The following MTMR7 variants were observed in gnomAD, a reference collection of about 807,000 sequenced individuals.
The protein encoded by MTMR7 is myotubularin related protein 7.
A neutral mutation model predicts 81.2 loss-of-function variants in MTMR7; 76 were observed. The ratio of observed to expected loss-of-function variants is 0.94; its 90% CI spans 0.78 to 1.13. The LOEUF is 1.13. Ranked by LOEUF, MTMR7 falls within the 50% of genes most tolerant of loss-of-function variation. The pLI is 0.00. For missense variants in MTMR7, 1,044 were observed against 820.0 expected (o/e 1.27, Z -3.34); for synonymous variants, 372 against 289.8 (o/e 1.28, Z -2.88).
chr8:17,330,340 A>T (rs372931416), intron 7 of MTMR7, among the ~76,000 whole-genome samples: 21 of 152,330 alleles, frequency 1.4e-4, no homozygotes, highest in African/African-American at 5.1e-4. Flanking sequence ...CTTTCCCCAG[A>T]AGCGCAGACA....
intron 7 of MTMR7, 80 bp from the exon 8 acceptor site, chr8:17,313,481 G>T (rs1235381392): frequency 3.4e-6 from 3 of 882,134 alleles, no homozygotes; most frequent in African/African-American, 1.7e-5. Flanking sequence ...TAGGTAGTTT[G>T]TTAATGATTC....
chr8:17,339,841 A>C (rs146467464), intron 6 of MTMR7, among the ~76,000 whole-genome samples: 1 of 152,200 alleles, frequency 6.6e-6, no homozygotes, highest in Non-Finnish European at 1.5e-5. Flanking sequence ...CCTTTTCTAT[A>C]GTGAAAAAAA....
intron 6 of MTMR7, among the ~76,000 whole-genome samples, chr8:17,332,619 C>T (rs1207677185): frequency 6.6e-6 from 1 of 152,214 alleles, no homozygotes; most frequent in Non-Finnish European, 1.5e-5. Context: ...GCCGCTGCTG[C>T]TGCCCAGCAT....
chr8:17,365,560 T>C (rs1012790518), intron 3 of MTMR7, among the ~76,000 whole-genome samples: 2 of 152,182 alleles, frequency 1.3e-5, no homozygotes, highest in African/African-American at 4.8e-5. Flanking sequence ...AAACATCTTT[T>C]GCTGTTAGTG....
chr8:17,307,637 A>G (rs141716760), intron 10 of MTMR7, among the ~76,000 whole-genome samples: 17 of 152,372 alleles, frequency 1.1e-4, no homozygotes, highest in African/African-American at 1.9e-4. Flanking sequence ...GAACCAACCT[A>G]TATGTCCAAC....
chr8:17,405,922 TTA>T (rs972176485), intron 1 of MTMR7, among the ~76,000 whole-genome samples: 1 of 151,874 alleles, frequency 6.6e-6, no homozygotes, highest in Non-Finnish European at 1.5e-5. Flanking sequence ...TTACACTGTT[TTA>T]TATATGTAAA....
chr8:17,325,737 GCA>G (rs1818649164), intron 7 of MTMR7, among the ~76,000 whole-genome samples: 1 of 151,880 alleles, frequency 6.6e-6, no homozygotes, highest in African/African-American at 2.4e-5. Context: ...TGCGCTGATT[GCA>G]CACAGACCCT....
intron 9 of MTMR7, 51 bp downstream of exon 9, chr8:17,311,460 C>T: frequency 6.2e-7 from 1 of 1,611,560 alleles, no homozygotes; most frequent in East Asian, 2.2e-5. Flanking sequence ...AACAGGGGTC[C>T]ATTCCTGGTC....
intron 1 of MTMR7, among the ~76,000 whole-genome samples, chr8:17,408,933 T>A (rs970790687): frequency 6.6e-6 from 1 of 152,210 alleles, no homozygotes; most frequent in African/African-American, 2.4e-5. Flanking sequence ...CTAAAACCAC[T>A]GAATTGTGCA....
intron 3 of MTMR7, among the ~76,000 whole-genome samples, chr8:17,361,831 T>C (rs1279166049): frequency 6.6e-6 from 1 of 152,228 alleles, no homozygotes; most frequent in Non-Finnish European, 1.5e-5. Context: ...AATATCGTAA[T>C]TGTGCTGCTC....
intron 7 of MTMR7, among the ~76,000 whole-genome samples, chr8:17,324,007 T>C (rs972230543): frequency 6.6e-6 from 1 of 152,192 alleles, no homozygotes; most frequent in African/African-American, 2.4e-5. Context: ...TACTATTCTC[T>C]CATTAAATAA....
chr8:17,337,056 G>A (rs1398654401), intron 6 of MTMR7, among the ~76,000 whole-genome samples: 3 of 152,104 alleles, frequency 2.0e-5, no homozygotes, highest in South Asian at 2.1e-4. Context: ...TAACTTGCCA[G>A]GATTCTTAAA....
At chr8:17,404,527 AT>A (rs1444701241) in intron 1 of MTMR7, among the ~76,000 whole-genome samples, 2 of 150,286 alleles carry the variant, frequency 1.3e-5, no homozygotes, top group Non-Finnish European at 3.0e-5. Context: ...GTTACAAACA[AT>A]TGCAAAAAAT....
At chr8:17,404,852 G>A (rs542424275) in intron 1 of MTMR7, among the ~76,000 whole-genome samples, 2 of 152,154 alleles carry the variant, frequency 1.3e-5, no homozygotes, top group South Asian at 4.2e-4. Context: ...TTGAGACGGA[G>A]TCTTGCTCTG....
chr8:17,358,754 C>G (rs1819971811), intron 4 of MTMR7, among the ~76,000 whole-genome samples: 1 of 151,996 alleles, frequency 6.6e-6, no homozygotes, highest in African/African-American at 2.4e-5. Flanking sequence ...ATTTTTAAAA[C>G]AATTAGGCCC....
At position 17,305,781 on chromosome 8, in the gene MTMR7, C is replaced by T. The variant is rs1484097457; in HGVS notation, c.1328G>A (p.Ser443Asn). 1 of 1,612,956 alleles carries T rather than the reference C, an allele frequency of 6.2e-7. No homozygotes were observed. Among genetic ancestry groups the T allele is most frequent in the Admixed American group, 1.7e-5 (1 of 60,010 alleles). Residue 443 changes from serine to asparagine, a missense_variant, in exon 11 of 14, where the codon AGC (serine) becomes AAC (asparagine). Coordinates refer to ENST00000180173, the MANE Select transcript of MTMR7 (RefSeq NM_004686.5). ...SCQFGNFLCNSQKERRELKIQ... is the reference protein window; with the variant it reads ...SCQFGNFLCNNQKERRELKIQ... ...CTTGAGTTCTCGTCTCTCCTTTTGG[C>T]TGTTACATAGGAAGTTTCCAAACTG... is the stretch of plus-strand genomic sequence containing the variant.
intron 7 of MTMR7, among the ~76,000 whole-genome samples, chr8:17,316,125 C>G (rs1432700574): frequency 6.6e-6 from 1 of 152,170 alleles, no homozygotes; most frequent in Non-Finnish European, 1.5e-5. Context: ...TACTTACATA[C>G]TAGCTATGTG....
intron 7 of MTMR7, among the ~76,000 whole-genome samples, chr8:17,313,817 T>G (rs1457992436): frequency 1.3e-5 from 2 of 152,220 alleles, no homozygotes. Flanking sequence ...CTTAGAAGTT[T>G]CTGTCACCCA....
chr8:17,359,813 T>C (rs1820006812), intron 4 of MTMR7, among the ~76,000 whole-genome samples: 1 of 152,168 alleles, frequency 6.6e-6, no homozygotes, highest in African/African-American at 2.4e-5. Context: ...ACTAACTCTT[T>C]ACTGGTGAGG....
Sources: gnomAD v4.1 joint callset for allele counts (sites outside exome capture counted in the v4.1 genomes callset) on GRCh38, gnomAD v4.1.1 for gene constraint, MANE v1.5 for transcripts, NCBI Gene and HGNC (gene_info 2026-07-23, HGNC 2026-07-21) for gene names.